Variants in MTR observed in about 807,000 individuals in gnomAD.
MTR encodes methionine synthase.
Under a neutral mutation model 154.8 loss-of-function variants are expected in MTR, and 84 were observed. That is an observed-to-expected ratio of 0.54 (90% CI 0.45 to 0.65). The LOEUF (loss-of-function observed/expected upper bound fraction) is 0.65. Among genes scored for constraint, MTR ranks in the 30% least tolerant of loss-of-function variants. The probability of loss-of-function intolerance (pLI) is 0.00; values close to 1 mark genes in which losing one functional copy is unlikely to be tolerated. For synonymous variants in MTR, 554 were observed against 553.9 expected (o/e 1.00, Z 0.00); for missense variants, 1,275 against 1,570.2 (o/e 0.81, Z 3.18).
At chr1:236,889,024 C>T (rs193018832) in intron 27 of MTR, among the ~76,000 whole-genome samples, 157 bp from the exon 28 acceptor site, 11 of 152,282 alleles carry the variant, frequency 7.2e-5, no homozygotes, top group East Asian at 3.9e-4. Flanking sequence ...TCCTTCTCCA[C>T]GATAATTTAA....
intron 11 of MTR, 61 bp downstream of exon 11, chr1:236,826,957 ATATGT>A (rs1352143079): frequency 1.4e-6 from 2 of 1,463,646 alleles, no homozygotes; most frequent in Non-Finnish European, 1.9e-6. Flanking sequence ...AATAATCTAA[ATATGT>A]ACTTTTTGTT....
intron 25 of MTR, among the ~76,000 whole-genome samples, chr1:236,884,703 C>A (rs1665923522): frequency 1.3e-5 from 2 of 152,066 alleles, no homozygotes; most frequent in African/African-American, 4.8e-5. Flanking sequence ...TCACATAGGC[C>A]CAGAATGCCC....
chr1:236,889,672 C>G (rs1486476144), intron 28 of MTR, among the ~76,000 whole-genome samples: 1 of 152,188 alleles, frequency 6.6e-6, no homozygotes, highest in African/African-American at 2.4e-5. Context: ...GCCTGGGCTC[C>G]TGTGGACATA....
intron 15 of MTR, among the ~76,000 whole-genome samples, chr1:236,848,165 AG>A (rs1663695140): frequency 6.6e-6 from 1 of 152,212 alleles, no homozygotes; most frequent in Non-Finnish European, 1.5e-5. Context: ...TTTTGGTTCT[AG>A]AAATGAATTC....
At chr1:236,811,126 T>C (rs1661277930) in intron 5 of MTR, among the ~76,000 whole-genome samples, 1 of 152,114 alleles carries the variant, frequency 6.6e-6, no homozygotes, top group Non-Finnish European at 1.5e-5. Flanking sequence ...GCAAGTCACG[T>C]CTTACACGGA....
intron 8 of MTR, among the ~76,000 whole-genome samples, chr1:236,821,683 T>C (rs957285235): frequency 3.9e-5 from 6 of 152,228 alleles, no homozygotes. Flanking sequence ...TACAAAATTT[T>C]AATCGTTTTG....
chr1:236,818,778 C>G (rs1359715539), intron 8 of MTR, among the ~76,000 whole-genome samples: 1 of 152,150 alleles, frequency 6.6e-6, no homozygotes, highest in Non-Finnish European at 1.5e-5. Flanking sequence ...ACTGGTAATT[C>G]ATCAAATATT....
rs148856985 is a variant in MTR at position 236,880,671 on chromosome 1, A to G, written c.2595-84A>G. ...TCTCTGGAAAGCACTGTAGAAATAC[A>G]TTATCTCTAATGGCGCTGAACAAGA... On this transcript the variant is annotated intron_variant, in intron 24 of 32. Transcript: ENST00000366577. 654 of 1,092,390 alleles carry G rather than the reference A, an allele frequency of 6.0e-4. 3 individuals are homozygous for G. The highest frequency in any genetic ancestry group is 5.6e-3 in the African/African-American group (361 of 64,994). 67.7% of individuals were successfully genotyped at this position (1,092,390 alleles called of 1,614,324 possible). A position where few individuals can be genotyped will look rare whatever the true frequency, so the allele number is the denominator to read the frequency against.
chr1:236,878,165 A>G (rs1399537374), intron 24 of MTR, among the ~76,000 whole-genome samples: 1 of 152,150 alleles, frequency 6.6e-6, no homozygotes, highest in Non-Finnish European at 1.5e-5. Context: ...TTTGGATAAC[A>G]AAAGTCTTAA....
chr1:236,880,801 A>G lies in MTR; in HGVS notation c.2641A>G (p.Ile881Val). 2.5e-6 allele frequency: 4 copies of G among 1,614,156 alleles called. No individual in the cohort carries two copies. Among genetic ancestry groups the G allele is most frequent in the Non-Finnish European group, 3.4e-6 (4 of 1,180,000 alleles). Residue 881 changes from isoleucine (I) to valine (V), a missense_variant, in exon 25 of 33, where the codon ATC (isoleucine) becomes GTC (valine). Coordinates refer to ENST00000366577, the MANE Select transcript of MTR (RefSeq NM_000254.3). ...AGCTCCGAGATACAGTGCACCTGTA[A>G]TCCATGTCCTGGACGCGTCCAAGAG... The part of the protein sequence containing the change: ...KIAPRYSAPV[I>V]HVLDASKSVV...
chr1:236,865,989 G>T (rs1664801588), intron 22 of MTR, among the ~76,000 whole-genome samples: 1 of 151,984 alleles, frequency 6.6e-6, no homozygotes, highest in South Asian at 2.1e-4. Flanking sequence ...GCACATTCAG[G>T]GCTTTTGGTT....
Position 236,863,116 on chromosome 1 carries a change from C to G in MTR, c.2305-338C>G, listed in dbSNP as rs557703416. 1.1e-4 allele frequency among the ~76,000 whole-genome samples: 16 copies of G among 152,304 alleles called. No homozygotes were observed. The South Asian group carries it at 3.3e-3, about 32-fold the overall frequency. ...AGTTAACCTGTTCCTTCCCCTCTCC[C>G]CTGCCTCTCCCTTAATGGCTAACCG... On this transcript the variant is annotated intron_variant, in intron 21 of 32. Transcript: ENST00000366577.
intron 22 of MTR, among the ~76,000 whole-genome samples, chr1:236,872,917 C>G (rs973821720): frequency 1.1e-4 from 16 of 152,114 alleles, no homozygotes; most frequent in Non-Finnish European, 1.5e-5. Flanking sequence ...GGCAGGAGGT[C>G]AAGGCTGCAG....
rs188240606 is a variant in MTR, at chr1:236,795,881, C to A, written c.34+144C>A. ...TGTGGGCGGCACCTTTAGAACTTAG[C>A]GCAGGAGCCCGGAGGGCTACGTGTT... On this transcript the variant is annotated intron_variant, in intron 1 of 32. Coordinates refer to ENST00000366577, the MANE Select transcript of MTR (RefSeq NM_000254.3). 1.0e-5 allele frequency: 13 copies of A among 1,282,732 alleles called. No individual in the cohort carries two copies. The East Asian group carries it at 2.8e-4, about 27-fold the overall frequency. 79.5% of individuals were successfully genotyped at this position (1,282,732 alleles called of 1,614,324 possible).
intron 1 of MTR, chr1:236,800,470 G>C: frequency 1.0e-6 from 1 of 985,364 alleles, no homozygotes; most frequent in South Asian, 4.7e-5. Context: ...ATTCAGCTGG[G>C]CATGTAGGTT....
chr1:236,820,063 C>T, intron 8 of MTR: 1 of 785,256 alleles, frequency 1.3e-6, no homozygotes, highest in Non-Finnish European at 2.3e-6. Context: ...TGTTAACCTG[C>T]CTACCATTGC....
At chr1:236,805,834 G>A (rs894853396) in intron 2 of MTR, among the ~76,000 whole-genome samples, 2 of 152,164 alleles carry the variant, frequency 1.3e-5, no homozygotes, top group Non-Finnish European at 2.9e-5. Flanking sequence ...GCTACCCTGT[G>A]AAGTAGGGTT....
chr1:236,884,320 G>T (rs1424932731), intron 25 of MTR, among the ~76,000 whole-genome samples: 1 of 152,172 alleles, frequency 6.6e-6, no homozygotes, highest in Non-Finnish European at 1.5e-5. Context: ...GAACTAAAAG[G>T]CTTTGGAAAG....
intron 29 of MTR, among the ~76,000 whole-genome samples, chr1:236,892,239 A>G (rs987533456): frequency 6.6e-6 from 1 of 152,178 alleles, no homozygotes. Context: ...TGAGAGGCCA[A>G]GGTGGGAGGA....
Sources: allele counts gnomAD v4.1 joint callset (sites outside exome capture counted in the v4.1 genomes callset), GRCh38; gene constraint gnomAD v4.1.1; transcripts MANE v1.5; gene names NCBI Gene and HGNC (gene_info 2026-07-23, HGNC 2026-07-21).